CSMD1: variants seen among roughly 807,000 people sequenced by gnomAD.
The protein encoded by CSMD1 is CUB and sushi domain-containing protein 1.
In CSMD1, 213 loss-of-function variants were observed where a neutral mutation model predicts 417.5. The ratio of observed to expected loss-of-function variants is 0.51; its 90% CI spans 0.46 to 0.57. The LOEUF is 0.57. CSMD1 is among the 20% of genes least tolerant of loss of function. The pLI, the probability that CSMD1 is intolerant of heterozygous loss-of-function variation, is 0.00. For synonymous variants in CSMD1, 2,862 were observed against 1,736.8 expected, an observed-to-expected ratio of 1.65 and a Z score of -16.11; for missense variants, 6,923 against 4,529.7, an observed-to-expected ratio of 1.53 and a Z score of -15.17.
intron 26 of CSMD1, among the ~76,000 whole-genome samples, chr8:3,273,651 T>G (rs976791750): frequency 5.3e-5 from 8 of 152,244 alleles, no homozygotes; most frequent in African/African-American, 1.9e-4. Context: ...TCTTCCTGGT[T>G]TAGTCTTGGG....
intron 3 of CSMD1, among the ~76,000 whole-genome samples, chr8:4,294,176 G>C (rs1797537894): frequency 6.6e-6 from 1 of 152,150 alleles, no homozygotes; most frequent in Admixed American, 6.6e-5. Flanking sequence ...GATGCCATCA[G>C]CAGCAACTAC....
chr8:4,921,118 AAAG>A (rs1806468828), intron 1 of CSMD1, among the ~76,000 whole-genome samples: 1 of 151,584 alleles, frequency 6.6e-6, no homozygotes, highest in Admixed American at 6.6e-5. Context: ...GAAAGAAAGA[AAAG>A]AAAAGAAAGT....
At chr8:3,061,020 C>T (rs1812557241) in intron 49 of CSMD1, among the ~76,000 whole-genome samples, 1 of 152,076 alleles carries the variant, frequency 6.6e-6, no homozygotes, top group African/African-American at 2.4e-5. Context: ...TGTGTAGGAA[C>T]TAAAGATTTG....
At chr8:4,723,365 T>A (rs1186963127) in intron 1 of CSMD1, among the ~76,000 whole-genome samples, 1 of 152,134 alleles carries the variant, frequency 6.6e-6, no homozygotes, top group African/African-American at 2.4e-5. Context: ...CGAGGTTCGC[T>A]CAACTCATGA....
chr8:3,175,483 T>TCCGG (rs1820864140), intron 37 of CSMD1, among the ~76,000 whole-genome samples: 1 of 121,588 alleles, frequency 8.2e-6, no homozygotes, highest in African/African-American at 3.3e-5. Flanking sequence ...TTCCCTTCCT[T>TCCGG]CCTGCCTGCC....
At chr8:3,134,361 C>T (rs1308376653) in intron 41 of CSMD1, among the ~76,000 whole-genome samples, 3 of 152,168 alleles carry the variant, frequency 2.0e-5, no homozygotes, top group South Asian at 2.1e-4. Flanking sequence ...CTGGATTCCA[C>T]GGTCACAGGC....
At chr8:4,791,060 G>T (rs926243945) in intron 1 of CSMD1, among the ~76,000 whole-genome samples, 9 of 117,054 alleles carry the variant, frequency 7.7e-5, no homozygotes. Flanking sequence ...AGCTAGTAGG[G>T]AGAGAGACGG....
intron 3 of CSMD1, among the ~76,000 whole-genome samples, chr8:4,239,687 C>T (rs79408657): frequency 0.017 from 2,552 of 152,290 alleles, 83 homozygotes; most frequent in African/African-American, 0.059. Flanking sequence ...GGTGGCAGAA[C>T]ATCGCATTAT....
chr8:3,245,657 A>G lies in CSMD1; in HGVS notation c.4154-15426T>C, dbSNP rs181490660. 1.6e-3 allele frequency among the ~76,000 whole-genome samples: 251 copies of G among 152,286 alleles called. 1 individual carries two copies. The highest frequency in any genetic ancestry group is 5.9e-3 in the African/African-American group (245 of 41,560). On this transcript the variant is annotated intron_variant, in intron 26 of 69. Transcript: ENST00000635120. ...GCAGGCACCTGACTCCAAGTTGCAAAACGGCCTCCTTTCATAAGGATGTAC... is the reference window on the plus strand; with the variant it reads ...GCAGGCACCTGACTCCAAGTTGCAAGACGGCCTCCTTTCATAAGGATGTAC...
chr8:4,968,091 T>C (rs1809998777), intron 1 of CSMD1, among the ~76,000 whole-genome samples: 1 of 152,160 alleles, frequency 6.6e-6, no homozygotes, highest in South Asian at 2.1e-4. Flanking sequence ...ATTTGTTTCA[T>C]GATGGATTTC....
At chr8:3,883,252 T>C (rs958391578) in intron 5 of CSMD1, among the ~76,000 whole-genome samples, 10 of 152,182 alleles carry the variant, frequency 6.6e-5, no homozygotes, top group African/African-American at 9.6e-5. Flanking sequence ...TTTCCTCATA[T>C]TAAATATTGA....
intron 10 of CSMD1, among the ~76,000 whole-genome samples, chr8:3,494,125 T>A (rs1203152935): frequency 2.6e-5 from 4 of 152,234 alleles, no homozygotes; most frequent in Non-Finnish European, 4.4e-5. Flanking sequence ...CAATAAATAT[T>A]TTTAAAGTTC....
chr8:4,398,486 G>T (rs1460621080), intron 3 of CSMD1, among the ~76,000 whole-genome samples: 1 of 140,724 alleles, frequency 7.1e-6, no homozygotes, highest in Non-Finnish European at 1.5e-5. Context: ...CTCCTCTCCT[G>T]GGTTCACGCC....
rs570802939 is a variant in CSMD1 at position 3,524,550 on chromosome 8, T to G, written c.1345-30824A>C. On this transcript the variant is annotated intron_variant, in intron 10 of 69. Transcript: ENST00000635120. ...ACATACGCACACACAAGCACACACA[T>G]GCACACACACATGCATACCCAGACA... Among the ~76,000 whole-genome samples the G allele has an allele frequency of 2.1e-5, 3 of 143,676 alleles. No individual in the cohort carries two copies. The South Asian group carries it at 6.8e-4, about 32-fold the overall frequency. The allele number at this position is 143,676 out of a possible 152,430, so 94.3% of individuals were successfully genotyped here.
intron 2 of CSMD1, among the ~76,000 whole-genome samples, chr8:4,530,935 CA>C (rs1289155397): frequency 6.6e-6 from 1 of 151,988 alleles, no homozygotes; most frequent in Non-Finnish European, 1.5e-5. Context: ...AATGCATGCA[CA>C]CAAAAAGACA....
chr8:3,243,009 G>A (rs960321763), intron 26 of CSMD1, among the ~76,000 whole-genome samples: 2 of 152,122 alleles, frequency 1.3e-5, no homozygotes, highest in Non-Finnish European at 2.9e-5. Context: ...CAGCGCCGGA[G>A]TTTTGAGTCC....
Position 4,810,388 on chromosome 8 carries a change from T to C in CSMD1, c.86-172830A>G, listed in dbSNP as rs544614655. On this transcript the variant is annotated intron_variant, in intron 1 of 69. Coordinates refer to ENST00000635120, the MANE Select transcript of CSMD1 (RefSeq NM_033225.6). ...CTTTTGATAATTTATTCCATAGCCA[T>C]TCATAACGTGATTGTACCTTCAAAC... Among the ~76,000 whole-genome samples, 19 of 152,314 alleles carry C rather than the reference T, an allele frequency of 1.2e-4. No homozygotes were observed. The South Asian group carries it at 3.3e-3, about 27-fold the overall frequency.
chr8:3,407,974 T>G lies in CSMD1; in HGVS notation c.1996A>C (p.Ser666Arg), dbSNP rs1812456227. The stretch of plus-strand genomic sequence containing the variant: ...AATTCCAAGCGAACTATATGCCCAC[T>G]GCTGGCCAGCTGGGAAGGCACTTCA... Reference protein sequence around the residue: ...GNEVPSQLASSGHIVRLEFQS... With the variant: ...GNEVPSQLASRGHIVRLEFQS... Residue 666 changes from serine to arginine, a missense_variant, in exon 14 of 70, where the codon AGT becomes CGT. By Grantham distance (110) the Ser-to-Arg change is moderately radical. Transcript: ENST00000635120. 1.2e-6 allele frequency: 2 copies of G among 1,613,884 alleles called. No individual in the cohort carries two copies. The highest frequency in any genetic ancestry group is 1.1e-5 in the South Asian group (1 of 91,042).
intron 3 of CSMD1, among the ~76,000 whole-genome samples, chr8:4,133,902 T>C (rs28408718): frequency 0.037 from 5,559 of 152,284 alleles, 119 homozygotes; most frequent in Middle Eastern, 0.1. Context: ...CTTGTAAACA[T>C]AGTTATCCAG....
Sources: allele counts gnomAD v4.1 joint callset (sites outside exome capture counted in the v4.1 genomes callset), GRCh38; gene constraint gnomAD v4.1.1; transcripts MANE v1.5; gene names NCBI Gene and HGNC (gene_info 2026-07-23, HGNC 2026-07-21).